The following VWA5B2 variants were observed in gnomAD, a reference collection of about 807,000 sequenced individuals.
VWA5B2 encodes the protein von Willebrand factor A domain-containing protein 5B2.
Under a neutral mutation model 118.5 loss-of-function variants are expected in VWA5B2, and 93 were observed. The ratio of observed to expected loss-of-function variants is 0.79; its 90% confidence interval spans 0.66 to 0.93. VWA5B2 has a LOEUF of 0.93. Among genes scored for constraint, VWA5B2 ranks in the 40% least tolerant of loss-of-function variants. VWA5B2 has a pLI of 0.00. For synonymous variants in VWA5B2, 708 were observed against 716.3 expected (o/e 0.99, Z 0.19); for missense variants, 1,546 against 1,672.8 (o/e 0.92, Z 1.32).
At chr3:184,240,690 C>A (rs1718497293) in intron 16 of VWA5B2, 101 bp from the exon 17 acceptor site, 5 of 1,456,070 alleles carry the variant, frequency 3.4e-6, no homozygotes, top group Non-Finnish European at 4.6e-6. Flanking sequence ...CTGTTAAAGT[C>A]GATAGAGGGA....
At position 184,238,588 on chromosome 3, in the gene VWA5B2, CACGGAT is replaced by C; in HGVS notation, c.1918_1923del (p.Thr640_Asp641del). 6.4e-7 allele frequency: 1 copy of C among 1,550,638 alleles called. No individual in the cohort carries two copies. The highest frequency in any genetic ancestry group is 8.7e-7 in the Non-Finnish European group (1 of 1,146,120). On this transcript the variant is annotated inframe_deletion, in exon 14 of 20. Coordinates refer to ENST00000691901, the MANE Select transcript of VWA5B2 (RefSeq NM_001390846.1). This position sits in a 1 kb window ranked among gnomAD's most constrained non-coding sequence, Gnocchi z 5.0. ...GTACTGATGCTCTGACAGACCCAGT[CACGGAT>C]CCTGGACCCAACCCCTCTGACACAG...
Position 184,237,476 on chromosome 3 carries a change from G to A in VWA5B2, c.1719+65G>A. ...GGTAGGGGGGCCTGGGATGGCTGAAGTCCCCGCATCTCTTCCAAACCCTTT... is the reference window on the plus strand; with the variant it reads ...GGTAGGGGGGCCTGGGATGGCTGAAATCCCCGCATCTCTTCCAAACCCTTT... On this transcript the variant is annotated intron_variant, in intron 12 of 19. Transcript: ENST00000691901. The surrounding 1 kb of genome is among the most constrained non-coding windows in gnomAD (Gnocchi z 5.6). 6.8e-7 allele frequency: 1 copy of A among 1,463,398 alleles called. No individual in the cohort carries two copies. Among genetic ancestry groups the A allele is most frequent in the Non-Finnish European group, 9.2e-7 (1 of 1,086,696 alleles). 90.7% of individuals were successfully genotyped at this position (1,463,398 alleles called of 1,614,324 possible).
rs1182496756 is a variant in VWA5B2, at chr3:184,237,893, T to G, written c.1720-410T>G. 6.6e-6 allele frequency among the ~76,000 whole-genome samples: 1 copy of G among 152,186 alleles called. No homozygotes were observed. On this transcript the variant is annotated intron_variant, in intron 12 of 19. Transcript: ENST00000691901. This position sits in a 1 kb window ranked among gnomAD's most constrained non-coding sequence, Gnocchi z 5.6. Reference sequence around the variant, plus strand: ...CACCTCACTGACCCATTTCCTCATATGGAAATGAGGTTTTTCACAGGTGGT... The same window carrying G: ...CACCTCACTGACCCATTTCCTCATAGGGAAATGAGGTTTTTCACAGGTGGT...
At position 184,233,181 on chromosome 3, in the gene VWA5B2, A is replaced by G; in HGVS notation, c.314A>G (p.His105Arg). The G allele has an allele frequency of 6.5e-7, 1 of 1,550,278 alleles. No homozygotes were observed. The highest frequency in any genetic ancestry group is 8.7e-7 in the Non-Finnish European group (1 of 1,146,578). ...CCCCATTTCTCACCCATCATAGGTC[A>G]TCTTGTCTTGGATCTGGCCCAGGCC... ...TPTPRRCAQGHLVLDLAQARS... is the reference protein window; with the variant it reads ...TPTPRRCAQGRLVLDLAQARS... The change falls in exon 4 of 20, where the codon CAT becomes CGT. Residue 105 changes from histidine (H) to arginine (R), a missense_variant. This residue lies in a region of VWA5B2 where 775 missense variants were observed against 882.3 expected (regional missense o/e 0.88). Transcript: ENST00000691901. The surrounding 1 kb of genome is among the most constrained non-coding windows in gnomAD (Gnocchi z 5.2).
chr3:184,240,513 G>T, intron 16 of VWA5B2: 1 of 511,048 alleles, frequency 2.0e-6, no homozygotes, highest in Non-Finnish European at 3.5e-6. Context: ...AGAAGCAGGT[G>T]GAGGAAAATG....
At chr3:184,230,261 C>T (rs1332575186) in intron 1 of VWA5B2, among the ~76,000 whole-genome samples, 119 bp from the exon 2 acceptor site, 1 of 152,156 alleles carries the variant, frequency 6.6e-6, no homozygotes, top group Non-Finnish European at 1.5e-5. Context: ...TGCTGGGCGC[C>T]GAAGCGCGCG....
At position 184,239,779 on chromosome 3, in the gene VWA5B2, C is replaced by T. The variant is rs1397109844; in HGVS notation, c.2483C>T (p.Ala828Val). ...GCTGTGCCTCCTAGTGGGGAGTTGG[C>T]CCCTCCAGCAGTGCCTCCCCAGGCT... ...FTAVPPSGEL[A>V]PPAVPPQAPR... Residue 828 changes from alanine to valine, a missense_variant, in exon 16 of 20, where the codon GCC becomes GTC. Physicochemically the swap from Ala to Val is moderately conservative, Grantham distance 64. This residue lies in a region of VWA5B2 where 763 missense variants were observed against 766.6 expected (regional missense o/e 1.00). Coordinates refer to ENST00000691901, the MANE Select transcript of VWA5B2 (RefSeq NM_001390846.1). This position sits in a 1 kb window ranked among gnomAD's most constrained non-coding sequence, Gnocchi z 5.1. 1 of 1,537,240 alleles carries T rather than the reference C, an allele frequency of 6.5e-7. No homozygotes were observed. Among genetic ancestry groups the T allele is most frequent in the South Asian group, 1.2e-5 (1 of 82,628 alleles).
intron 16 of VWA5B2, 62 bp downstream of exon 16, chr3:184,240,098 G>C: frequency 7.6e-7 from 1 of 1,323,636 alleles, no homozygotes; most frequent in Non-Finnish European, 1.0e-6. Flanking sequence ...CAAAGGTAGA[G>C]GTCTGTGTGT....
chr3:184,234,173 G>A, intron 5 of VWA5B2, 93 bp from the exon 6 acceptor site: 1 of 1,457,618 alleles, frequency 6.9e-7, no homozygotes, highest in Non-Finnish European at 9.3e-7. Context: ...GACTCTGAGA[G>A]CTGACTGAAT....
In VWA5B2 at chr3:184,233,295, G is replaced by A; in HGVS notation, c.428G>A (p.Arg143Lys). 1 of 1,538,986 alleles carries A rather than the reference G, an allele frequency of 6.5e-7. No homozygotes were observed. The highest frequency in any genetic ancestry group is 8.8e-7 in the Non-Finnish European group (1 of 1,141,214). ...TLHSSRELPS[R>K]PDGVLHVALP... ...CACAGCAGCCGGGAGCTGCCCTCAA[G>A]GCCTGACGGGGTGCTGCATGTGGCC... is the stretch of plus-strand genomic sequence containing the variant. The change falls in exon 4 of 20, where the codon AGG (arginine) becomes AAG (lysine). Residue 143 changes from arginine to lysine, a missense_variant. Arg to Lys is a conservative substitution (Grantham distance 26). Transcript: ENST00000691901. The surrounding 1 kb of genome is among the most constrained non-coding windows in gnomAD (Gnocchi z 5.2).
chr3:184,234,217 G>T, intron 5 of VWA5B2, 49 bp from the exon 6 acceptor site: 1 of 1,541,766 alleles, frequency 6.5e-7, no homozygotes, highest in Non-Finnish European at 8.8e-7. Context: ...TGCTGTCCCT[G>T]GGAAGGTGTT....
In VWA5B2 at chr3:184,238,817, G is replaced by A; in HGVS notation, c.2146G>A (p.Glu716Lys). ...QQGCRSLAWG[E>K]PAGSRSCPLP... is the part of the protein sequence containing the mutation. Reference sequence around the variant, plus strand: ...GGGCTGCCGCAGTCTGGCCTGGGGAGAACCTGCAGGCTCCCGCTCCTGTCC... The same window carrying A: ...GGGCTGCCGCAGTCTGGCCTGGGGAAAACCTGCAGGCTCCCGCTCCTGTCC... Residue 716 changes from glutamate to lysine, a missense_variant, in exon 14 of 20, where the codon GAA (glutamate) becomes AAA (lysine). Physicochemically the swap from Glu to Lys is moderately conservative, Grantham distance 56. Coordinates refer to ENST00000691901, the MANE Select transcript of VWA5B2 (RefSeq NM_001390846.1). The surrounding 1 kb of genome is among the most constrained non-coding windows in gnomAD (Gnocchi z 5.0). The A allele has an allele frequency of 6.5e-7, 1 of 1,536,514 alleles. No homozygotes were observed. The highest frequency in any genetic ancestry group is 1.7e-4 in the Middle Eastern group (1 of 5,960).
Position 184,240,010 on chromosome 3 carries a change from G to A in VWA5B2, c.2714G>A (p.Gly905Glu), listed in dbSNP as rs553549547. ...GACAATGAGCAGCTGGCCCTCCGAG[G>A]AGGGGCAGAGACCACAGCTGACCGG... ...VRDNEQLALR[G>E]GAETTADRGH... Residue 905 changes from glycine to glutamate, a missense_variant, in exon 16 of 20, where the codon GGA becomes GAA. Gly to Glu is a moderately conservative substitution (Grantham distance 98). Transcript: ENST00000691901. The A allele has an allele frequency of 9.4e-5, 146 of 1,547,468 alleles. No homozygotes were observed. In the South Asian group the frequency reaches 1.6e-3, roughly 17 times the overall value.
Position 184,239,942 on chromosome 3 carries a change from G to A in VWA5B2, c.2646G>A (p.Trp882Ter). The change falls in exon 16 of 20, where the codon TGG becomes TGA. Residue 882 changes from tryptophan (W) to a stop codon, truncating the protein, a stop_gained. Transcript: ENST00000691901. LOFTEE classifies it high-confidence loss of function. This position sits in a 1 kb window ranked among gnomAD's most constrained non-coding sequence, Gnocchi z 5.1. ...PPSPPVREAA[W>*]DQALHRLTAA... is the part of the protein sequence containing the mutation. ...CACCTCCTGTAAGAGAAGCTGCTTGGGACCAAGCACTCCATCGGCTGACAG... is the reference window on the plus strand; with the variant it reads ...CACCTCCTGTAAGAGAAGCTGCTTGAGACCAAGCACTCCATCGGCTGACAG... The A allele has an allele frequency of 1.9e-6, 3 of 1,551,260 alleles. No homozygotes were observed. The highest frequency in any genetic ancestry group is 2.6e-6 in the Non-Finnish European group (3 of 1,146,972).
chr3:184,233,093 CT>C lies in VWA5B2; in HGVS notation c.311-84del. On this transcript the variant is annotated intron_variant, in intron 3 of 19. Coordinates refer to ENST00000691901, the MANE Select transcript of VWA5B2 (RefSeq NM_001390846.1). This position sits in a 1 kb window ranked among gnomAD's most constrained non-coding sequence, Gnocchi z 5.2. The stretch of plus-strand genomic sequence containing the variant: ...GCAAAGTCCCCCTTGCCCAGGCTCC[CT>C]GACCCAATGCCTGCTTCCACATCTA... The C allele has an allele frequency of 7.6e-7, 1 of 1,321,560 alleles. No individual in the cohort carries two copies. Among genetic ancestry groups the C allele is most frequent in the Non-Finnish European group, 1.0e-6 (1 of 960,256 alleles). The allele number at this position is 1,321,560 out of a possible 1,614,324, so 81.9% of individuals were successfully genotyped here. A position where few individuals can be genotyped will look rare whatever the true frequency, so the allele number is the denominator to read the frequency against.
At chr3:184,232,225 C>T (rs1717470939) in intron 3 of VWA5B2, among the ~76,000 whole-genome samples, 1 of 152,032 alleles carries the variant, frequency 6.6e-6, no homozygotes, top group African/African-American at 2.4e-5. Flanking sequence ...GCTTTGCATA[C>T]ATTGCCTCAT....
Position 184,239,830 on chromosome 3 carries a change from G to A in VWA5B2, c.2534G>A (p.Gly845Asp). ...CCACGCTGCCATGTGGTGATCCGGGGCCTGTGTGGGGAGCAGCCCATGTGC... is the reference window on the plus strand; with the variant it reads ...CCACGCTGCCATGTGGTGATCCGGGACCTGTGTGGGGAGCAGCCCATGTGC... ...QAPRCHVVIRGLCGEQPMCWE... is the reference protein window; with the variant it reads ...QAPRCHVVIRDLCGEQPMCWE... The change falls in exon 16 of 20, where the codon GGC (glycine) becomes GAC (aspartate). Residue 845 changes from glycine to aspartate, a missense_variant. By Grantham distance (94) the Gly-to-Asp change is moderately conservative. Around this residue, in one of 3 missense-constraint regions of VWA5B2, gnomAD observed 763 missense variants for 766.6 expected, o/e 1.00. Transcript: ENST00000691901. The surrounding 1 kb of genome is among the most constrained non-coding windows in gnomAD (Gnocchi z 5.1). 6.4e-7 allele frequency: 1 copy of A among 1,551,466 alleles called. No homozygotes were observed. The highest frequency in any genetic ancestry group is 8.7e-7 in the Non-Finnish European group (1 of 1,146,822).
In VWA5B2 at chr3:184,234,611, A is replaced by G. The variant is rs1262933171; in HGVS notation, c.821-20A>G. ...CAGAGGCAGGGCCTTCCTTGACAGA[A>G]TTGTGTCCTCTCCTCTCAGAGCCCC... On this transcript the variant is annotated intron_variant, in intron 6 of 19. Coordinates refer to ENST00000691901, the MANE Select transcript of VWA5B2 (RefSeq NM_001390846.1). The G allele has an allele frequency of 6.4e-7, 1 of 1,550,446 alleles. No homozygotes were observed. The highest frequency in any genetic ancestry group is 1.2e-5 in the South Asian group (1 of 84,000).
chr3:184,241,986 G>A lies in VWA5B2; in HGVS notation c.3677G>A (p.Trp1226Ter). 1.3e-6 allele frequency: 2 copies of A among 1,550,370 alleles called. No homozygotes were observed. The highest frequency in any genetic ancestry group is 1.7e-6 in the Non-Finnish European group (2 of 1,146,954). The change falls in exon 20 of 20, where the codon TGG (tryptophan) becomes TAG (stop). Residue 1226 changes from tryptophan to a stop codon, truncating the protein, a stop_gained. Transcript: ENST00000691901. LOFTEE classifies it high-confidence loss of function. The surrounding 1 kb of genome is among the most constrained non-coding windows in gnomAD (Gnocchi z 5.1). Reference protein sequence around the residue: ...ARGLFLLLRHWDQNLQLHLLC... With the variant: ...ARGLFLLLRH The stretch of plus-strand genomic sequence containing the variant: ...GGGCTCTTCCTGCTACTGCGCCACT[G>A]GGACCAAAACCTGCAGCTACACCTG...
Sources: gnomAD v4.1 joint callset for allele counts (sites outside exome capture counted in the v4.1 genomes callset) on GRCh38, gnomAD v4.1.1 for gene constraint, gnomAD v4.1.1 regional missense constraint, Gnocchi (gnomAD v3.1) non-coding constraint, MANE v1.5 for transcripts, NCBI Gene and HGNC (gene_info 2026-07-23, HGNC 2026-07-21) for gene names.